ENG: variants seen among roughly 807,000 people sequenced by gnomAD.
The protein encoded by ENG is endoglin, also known as CD105 antigen.
In ENG, 17 loss-of-function variants were observed where a neutral mutation model predicts 71.0. The observed-to-expected ratio is 0.24, with a 90% CI of 0.16 to 0.36. ENG has a LOEUF of 0.36. ENG is among the 10% of genes least tolerant of loss of function. The probability of loss-of-function intolerance (pLI) is 1.00; values close to 1 mark genes in which losing one functional copy is unlikely to be tolerated. For missense variants in ENG, 749 were observed against 868.3 expected, an observed-to-expected ratio of 0.86 and a Z score of 1.73; for synonymous variants, 360 against 366.9, an observed-to-expected ratio of 0.98 and a Z score of 0.21.
rs1363480176 is a variant in ENG at position 127,815,927 on chromosome 9, G to A, written c.1852+16C>T. ...AGGGGCCCGGCATGCTCACTGTGGG[G>A]GCCTGGGGTACTCACGCGTGTGCGA... On this transcript the variant is annotated intron_variant, in intron 14 of 14. Transcript: ENST00000373203. 5.0e-6 allele frequency: 8 copies of A among 1,588,962 alleles called. No individual in the cohort carries two copies. Among genetic ancestry groups the A allele is most frequent in the African/African-American group, 1.3e-5 (1 of 74,694 alleles).
At chr9:127,829,563 T>A in intron 3 of ENG, 124 bp downstream of exon 3, 1 of 1,323,058 alleles carries the variant, frequency 7.6e-7, no homozygotes, top group Admixed American at 2.0e-5. Flanking sequence ...TGGTGAATAA[T>A]GTCAAGATGA....
chr9:127,848,312 C>T (rs955875351), intron 1 of ENG, among the ~76,000 whole-genome samples: 9 of 151,598 alleles, frequency 5.9e-5, no homozygotes, highest in Non-Finnish European at 1.2e-4. Flanking sequence ...TTTGGAGAGT[C>T]GGGGTCTTGC....
intron 2 of ENG, among the ~76,000 whole-genome samples, chr9:127,830,403 G>T (rs1000656118): frequency 4.0e-5 from 6 of 151,138 alleles, no homozygotes; most frequent in African/African-American, 1.2e-4. Flanking sequence ...AGCACTCTGG[G>T]AGGCTGAGGC....
chr9:127,854,384 G>C lies in ENG; in HGVS notation c.-29C>G, dbSNP rs1204029295. On this transcript the variant is annotated 5_prime_UTR_variant, in exon 1 of 15. Transcript: ENST00000373203. Reference sequence around the variant, plus strand: ...GTCCACGTGGGGGCCTGTGCGCTGGGCCTTATCCTGTGTCCAGTGGCAGGG... The same window carrying C: ...GTCCACGTGGGGGCCTGTGCGCTGGCCCTTATCCTGTGTCCAGTGGCAGGG... The C allele has an allele frequency of 5.1e-6, 8 of 1,563,454 alleles. No individual in the cohort carries two copies. The highest frequency in any genetic ancestry group is 6.1e-6 in the Non-Finnish European group (7 of 1,154,280).
Position 127,837,880 on chromosome 9 carries a change from G to A in ENG, c.219+5214C>T, listed in dbSNP as rs189572193. 2.0e-5 allele frequency among the ~76,000 whole-genome samples: 3 copies of A among 151,950 alleles called. No individual in the cohort carries two copies. In the East Asian group the frequency reaches 5.8e-4, roughly 29 times the overall value. ...CAAAGATTCAGCAGTAAGAGGGCAG[G>A]CACAATCCCTGCTCAGCCTGTCTGA... On this transcript the variant is annotated intron_variant, in intron 2 of 14. Transcript: ENST00000373203.
At chr9:127,850,127 G>T (rs1003181594) in intron 1 of ENG, among the ~76,000 whole-genome samples, 2 of 152,200 alleles carry the variant, frequency 1.3e-5, no homozygotes, top group African/African-American at 2.4e-5. Flanking sequence ...TAGGAAGCAG[G>T]GTCCCAGAGC....
At chr9:127,832,906 GCCA>G (rs1180774568) in intron 2 of ENG, among the ~76,000 whole-genome samples, 4 of 152,034 alleles carry the variant, frequency 2.6e-5, no homozygotes, top group African/African-American at 9.7e-5. Context: ...ACAGGTGCAT[GCCA>G]CCATGCCCAG....
chr9:127,817,784 G>A, intron 12 of ENG: 2 of 462,108 alleles, frequency 4.3e-6, no homozygotes, highest in Non-Finnish European at 4.0e-6. Context: ...AGATTACACT[G>A]GTGACCATAC....
In ENG at chr9:127,825,805, C is replaced by G. The variant is rs769703434; in HGVS notation, c.579G>C (p.Thr193=). ...MLEASQDMGR[T]LEWRPRTPAL... is the part of the protein sequence containing the mutation. ...CTGGAGTACGCGGCCGCCACTCGAG[C>G]GTGCGGCCCATGTCCTGGCTGGCTT... Residue 193 remains threonine (T), a synonymous_variant, in exon 5 of 15, where the codon ACG becomes ACC. Coordinates refer to ENST00000373203, the MANE Select transcript of ENG (RefSeq NM_001114753.3). 1 of 1,597,092 alleles carries G rather than the reference C, an allele frequency of 6.3e-7. No individual in the cohort carries two copies. The highest frequency in any genetic ancestry group is 8.5e-7 in the Non-Finnish European group (1 of 1,172,774).
chr9:127,816,912 C>T (rs572498066), intron 13 of ENG: 166 of 593,394 alleles, frequency 2.8e-4, no homozygotes, highest in Non-Finnish European at 3.6e-4. Flanking sequence ...GAGGCCTAGA[C>T]TCCCACCCCA....
chr9:127,825,464 G>A, intron 5 of ENG, 107 bp from the exon 6 acceptor site: 1 of 1,550,400 alleles, frequency 6.4e-7, no homozygotes, highest in Non-Finnish European at 8.8e-7. Context: ...GCCAGGTGTG[G>A]GTTTATGGGA....
At chr9:127,820,097 C>A in intron 8 of ENG, 60 bp from the exon 9 acceptor site, 4 of 1,590,510 alleles carry the variant, frequency 2.5e-6, no homozygotes, top group Non-Finnish European at 2.6e-6. Flanking sequence ...CCTGCCACAC[C>A]CCAGCACCAA....
At chr9:127,843,914 G>A (rs1381144577) in intron 1 of ENG, among the ~76,000 whole-genome samples, 1 of 145,906 alleles carries the variant, frequency 6.9e-6, no homozygotes, top group Non-Finnish European at 1.5e-5. Context: ...TGGGATTATA[G>A]GCATGCACCA....
At chr9:127,816,921 C>A in intron 13 of ENG, 1 of 605,256 alleles carries the variant, frequency 1.7e-6, no homozygotes, top group Non-Finnish European at 2.9e-6. Flanking sequence ...ACTCCCACCC[C>A]ACAGGGCGGT....
chr9:127,853,016 C>T (rs1490071044), intron 1 of ENG, among the ~76,000 whole-genome samples: 1 of 152,106 alleles, frequency 6.6e-6, no homozygotes, highest in African/African-American at 2.4e-5. Context: ...AGGTTAGAGC[C>T]TCCCTTTTCT....
Position 127,826,651 on chromosome 9 carries a change from G to T in ENG, c.382C>A (p.Gln128Lys), listed in dbSNP as rs1346363871. Residue 128 changes from glutamine to lysine, a missense_variant, in exon 4 of 15, where the codon CAA becomes AAA. By Grantham distance (53) the Gln-to-Lys change is moderately conservative (BLOSUM62 1). Transcript: ENST00000373203. Reference sequence around the variant, plus strand: ...GTGGTGTTGACCCCCGGGGGCTCTTGGAAGGTGACCAGGCTGGAATTCTGG... The same window carrying T: ...GTGGTGTTGACCCCCGGGGGCTCTTTGAAGGTGACCAGGCTGGAATTCTGG... ...LAYNSSLVTF[Q>K]EPPGVNTTEL... 6.2e-7 allele frequency: 1 copy of T among 1,613,886 alleles called. No individual in the cohort carries two copies. The highest frequency in any genetic ancestry group is 8.5e-7 in the Non-Finnish European group (1 of 1,179,988).
chr9:127,818,880 A>AGG (rs1830403229), intron 10 of ENG, 48 bp from the exon 11 acceptor site: 8 of 1,542,442 alleles, frequency 5.2e-6, no homozygotes, highest in Non-Finnish European at 7.2e-6. Context: ...GGCGCCAGCC[A>AGG]GGAGGGCGAG....
Position 127,816,034 on chromosome 9 carries a change from G to C in ENG, c.1761C>G (p.Leu587=). 6.2e-7 allele frequency: 1 copy of C among 1,610,324 alleles called. No individual in the cohort carries two copies. Among genetic ancestry groups the C allele is most frequent in the Non-Finnish European group, 8.5e-7 (1 of 1,179,100 alleles). The change falls in exon 14 of 15, where the codon CTC becomes CTG. Residue 587 remains leucine (L), a synonymous_variant. Coordinates refer to ENST00000373203, the MANE Select transcript of ENG (RefSeq NM_001114753.3). ...TGATGCCCAGCACGGCGGGCAGGAC[G>C]AGGCCTTTGCTTGTGCAACCTAGAG... The part of the protein sequence containing the change: ...PDLSGCTSKG[L]VLPAVLGITF...
At chr9:127,822,748 G>A (rs1260658443) in intron 8 of ENG, among the ~76,000 whole-genome samples, 1 of 152,126 alleles carries the variant, frequency 6.6e-6, no homozygotes, top group Non-Finnish European at 1.5e-5. Context: ...CAGAGAAAAC[G>A]CTCTAGAAAG....
Sources: allele counts gnomAD v4.1 joint callset (sites outside exome capture counted in the v4.1 genomes callset), GRCh38; gene constraint gnomAD v4.1.1; transcripts MANE v1.5; gene names NCBI Gene and HGNC (gene_info 2026-07-23, HGNC 2026-07-21).